Variants in NRXN1 observed in about 807,000 individuals in gnomAD.
NRXN1 encodes the protein neurexin-1.
A neutral mutation model predicts 150.9 loss-of-function variants in NRXN1; 39 were observed. That is an observed-to-expected ratio of 0.26 (90% CI 0.20 to 0.34). The LOEUF (loss-of-function observed/expected upper bound fraction) is 0.34. NRXN1 is among the 10% of genes least tolerant of loss of function. The probability of loss-of-function intolerance (pLI) is 1.00; values close to 1 mark genes in which losing one functional copy is unlikely to be tolerated. For missense variants in NRXN1, 1,815 were observed against 1,949.9 expected, an observed-to-expected ratio of 0.93 and a Z score of 1.30; for synonymous variants, 924 against 757.0, an observed-to-expected ratio of 1.22 and a Z score of -3.62.
At chr2:50,814,024 T>C (rs570274453) in intron 5 of NRXN1, among the ~76,000 whole-genome samples, 9 of 152,162 alleles carry the variant, frequency 5.9e-5, no homozygotes, top group Admixed American at 5.9e-4. Context: ...GGAGAAAAAA[T>C]TGAGGGCAAA....
At chr2:50,863,431 T>C (rs1478630319) in intron 5 of NRXN1, among the ~76,000 whole-genome samples, 2 of 151,934 alleles carry the variant, frequency 1.3e-5, no homozygotes, top group African/African-American at 4.8e-5. Context: ...TTAAACTGTA[T>C]TGAGTTTCAG....
intron 17 of NRXN1, among the ~76,000 whole-genome samples, chr2:50,262,171 C>A (rs989015049): frequency 1.3e-5 from 2 of 151,856 alleles, no homozygotes; most frequent in South Asian, 2.1e-4. Context: ...CAAAATTGCA[C>A]AGAATGTTTT....
At chr2:50,539,097 T>C (rs1254216127) in intron 9 of NRXN1, among the ~76,000 whole-genome samples, 2 of 141,616 alleles carry the variant, frequency 1.4e-5, no homozygotes, top group Non-Finnish European at 3.1e-5. Context: ...CACAATAGTT[T>C]CACAGATTAC....
intron 15 of NRXN1, among the ~76,000 whole-genome samples, chr2:50,479,122 A>C (rs781443789): frequency 1.3e-5 from 2 of 152,202 alleles, no homozygotes; most frequent in Non-Finnish European, 2.9e-5. Context: ...CTTCTCTTCA[A>C]AAACTTTTGC....
intron 2 of NRXN1, among the ~76,000 whole-genome samples, chr2:50,965,351 G>C (rs1370069886): frequency 6.6e-6 from 1 of 150,950 alleles, no homozygotes; most frequent in Non-Finnish European, 1.5e-5. Flanking sequence ...AAAAATAACA[G>C]ATTGTCATAA....
intron 5 of NRXN1, among the ~76,000 whole-genome samples, chr2:50,658,604 T>C (rs1686846704): frequency 6.6e-6 from 1 of 151,996 alleles, no homozygotes; most frequent in South Asian, 2.1e-4. Context: ...TTCCTTCACA[T>C]TCCTTTCCCT....
At chr2:50,730,549 A>G (rs1308851572) in intron 5 of NRXN1, among the ~76,000 whole-genome samples, 2 of 152,110 alleles carry the variant, frequency 1.3e-5, no homozygotes, top group African/African-American at 4.8e-5. Flanking sequence ...AAAGATAACC[A>G]AAGACTCCCT....
intron 18 of NRXN1, among the ~76,000 whole-genome samples, chr2:50,231,672 C>T (rs760366282): frequency 6.6e-6 from 1 of 152,100 alleles, no homozygotes; most frequent in African/African-American, 2.4e-5. Flanking sequence ...CCTCCTCCAC[C>T]CTCAGTGACA....
chr2:50,435,525 T>C (rs1243192502), intron 17 of NRXN1, among the ~76,000 whole-genome samples: 2 of 152,226 alleles, frequency 1.3e-5, no homozygotes, highest in East Asian at 1.9e-4. Flanking sequence ...GTACCACATT[T>C]TCTTTATCTA....
At chr2:50,376,695 T>C (rs2080523938) in intron 17 of NRXN1, among the ~76,000 whole-genome samples, 1 of 152,178 alleles carries the variant, frequency 6.6e-6, no homozygotes, top group Non-Finnish European at 1.5e-5. Context: ...TAATTTTCTC[T>C]GTGGCGGATG....
chr2:50,137,257 G>C (rs1394151018), intron 18 of NRXN1, among the ~76,000 whole-genome samples: 1 of 152,076 alleles, frequency 6.6e-6, no homozygotes, highest in Non-Finnish European at 1.5e-5. Context: ...AAACTCAGCT[G>C]AACCCTGATA....
intron 2 of NRXN1, among the ~76,000 whole-genome samples, chr2:51,019,488 T>A (rs1286058851): frequency 1.3e-5 from 2 of 152,102 alleles, no homozygotes; most frequent in Non-Finnish European, 2.9e-5. Flanking sequence ...AGGAGAGGCA[T>A]CTAGTCCATT....
In NRXN1 at chr2:50,495,034, A is replaced by G. The variant is rs1192507666; in HGVS notation, c.3070+871T>C. Among the ~76,000 whole-genome samples the G allele has an allele frequency of 6.0e-5, 9 of 150,038 alleles. No individual in the cohort carries two copies. The East Asian group carries it at 1.8e-3, about 29-fold the overall frequency. On this transcript the variant is annotated intron_variant, in intron 15 of 22. Coordinates refer to ENST00000401669, the MANE Select transcript of NRXN1 (RefSeq NM_001330078.2). ...TGACGGAGCAAGACTCTGTCTCCAAAAAAAAAAAAAAAAAGAGAGTTAAAT... is the reference window on the plus strand; with the variant it reads ...TGACGGAGCAAGACTCTGTCTCCAAGAAAAAAAAAAAAAAGAGAGTTAAAT...
intron 5 of NRXN1, among the ~76,000 whole-genome samples, chr2:50,836,840 TAA>T (rs369557045): frequency 7.9e-5 from 9 of 114,064 alleles, no homozygotes; most frequent in African/African-American, 6.5e-5. Flanking sequence ...ATCATAATTG[TAA>T]AAAAAAAAAA....
chr2:50,527,025 C>T (rs2092970749), intron 12 of NRXN1, among the ~76,000 whole-genome samples: 2 of 152,160 alleles, frequency 1.3e-5, no homozygotes, highest in Admixed American at 6.6e-5. Context: ...AATACAGAAT[C>T]ACATGTCATT....
intron 8 of NRXN1, among the ~76,000 whole-genome samples, chr2:50,611,580 T>G (rs372167874): frequency 6.6e-6 from 1 of 152,168 alleles, no homozygotes; most frequent in South Asian, 2.1e-4. Flanking sequence ...TTATTTCCCT[T>G]GCCTCCAAGG....
chr2:50,557,120 A>T (rs1040283044), intron 8 of NRXN1, among the ~76,000 whole-genome samples: 4 of 152,136 alleles, frequency 2.6e-5, no homozygotes, highest in Non-Finnish European at 5.9e-5. Flanking sequence ...GATTATATCT[A>T]CCTAAGTTTT....
chr2:50,603,840 A>T (rs1280047611), intron 8 of NRXN1, among the ~76,000 whole-genome samples: 1 of 152,164 alleles, frequency 6.6e-6, no homozygotes, highest in Non-Finnish European at 1.5e-5. Flanking sequence ...AGACTGGTCA[A>T]CCTTGATCAC....
chr2:50,784,945 C>T (rs4971698), intron 5 of NRXN1, among the ~76,000 whole-genome samples: 92,702 of 151,876 alleles, frequency 0.61, 28,832 homozygotes, highest in Middle Eastern at 0.73. Context: ...CTCCCCAAAA[C>T]TCACTTATTG....
Sources: allele counts gnomAD v4.1 joint callset (sites outside exome capture counted in the v4.1 genomes callset), GRCh38; gene constraint gnomAD v4.1.1; transcripts MANE v1.5; gene names NCBI Gene and HGNC (gene_info 2026-07-23, HGNC 2026-07-21).